Variants in SYNJ2 observed in about 807,000 individuals in gnomAD.
SYNJ2 encodes the protein polyphosphatidylinositol phosphatase SYNJ2.
In SYNJ2, 116 loss-of-function variants were observed where a neutral mutation model predicts 141.3. The observed-to-expected ratio is 0.82, with a 90% confidence interval of 0.71 to 0.96. The LOEUF is 0.96. SYNJ2 is among the 40% of genes least tolerant of loss of function. SYNJ2 has a pLI of 0.00. For missense variants in SYNJ2, 1,873 were observed against 1,934.8 expected, an observed-to-expected ratio of 0.97 and a Z score of 0.60; for synonymous variants, 745 against 777.7, an observed-to-expected ratio of 0.96 and a Z score of 0.70.
At chr6:158,001,780 C>T (rs186298060) in intron 1 of SYNJ2, 3 of 152,430 alleles carry the variant, frequency 2.0e-5, no homozygotes, top group East Asian at 1.9e-4. Flanking sequence ...CTTGTCCCCC[C>T]TCCCAGTGAC....
chr6:157,985,967 C>A (rs552232321), intron 1 of SYNJ2, among the ~76,000 whole-genome samples: 1 of 152,176 alleles, frequency 6.6e-6, no homozygotes, highest in African/African-American at 2.4e-5. Context: ...GGCCACGTCT[C>A]GAGTTTAGCT....
At chr6:158,016,821 C>T (rs1419079512) in intron 1 of SYNJ2, among the ~76,000 whole-genome samples, 2 of 152,126 alleles carry the variant, frequency 1.3e-5, no homozygotes, top group African/African-American at 4.8e-5. Flanking sequence ...TCCACAGGTG[C>T]CTTGGAGTGA....
intron 9 of SYNJ2, among the ~76,000 whole-genome samples, chr6:158,064,282 G>A (rs1781417006): frequency 1.3e-5 from 2 of 151,352 alleles, no homozygotes; most frequent in South Asian, 4.2e-4. Flanking sequence ...TGGCTGGGGG[G>A]TCGGGGGTAG....
intron 2 of SYNJ2, among the ~76,000 whole-genome samples, chr6:158,020,386 A>G (rs140158215): frequency 6.7e-6 from 1 of 148,556 alleles, no homozygotes; most frequent in African/African-American, 2.5e-5. Context: ...GACTCCAACT[A>G]TATGATTGAC....
rs1307411155 is a variant in SYNJ2, at chr6:158,027,028, C to T, written c.215-1728C>T. On this transcript the variant is annotated intron_variant, in intron 2 of 26. Transcript: ENST00000355585. The surrounding 1 kb of genome is among the most constrained non-coding windows in gnomAD (Gnocchi z 4.6). ...CTGGGGAGATGTGATGGGATCAACC[C>T]CCTGCCCTGCTGGCAGCCCCACCCC... 1 of 985,288 alleles carries T rather than the reference C, an allele frequency of 1.0e-6. No individual in the cohort carries two copies. Among genetic ancestry groups the T allele is most frequent in the Non-Finnish European group, 1.2e-6 (1 of 829,936 alleles). 61.0% of individuals were successfully genotyped at this position (985,288 alleles called of 1,614,324 possible). A position where few individuals can be genotyped will look rare whatever the true frequency, so the allele number is the denominator to read the frequency against.
intron 4 of SYNJ2, among the ~76,000 whole-genome samples, chr6:158,038,351 T>A (rs565121022): frequency 6.6e-6 from 1 of 152,276 alleles, no homozygotes; most frequent in African/African-American, 2.4e-5. Flanking sequence ...CACCACCACC[T>A]GCCGCTCACC....
rs78127681 is a variant in SYNJ2 at position 158,026,613 on chromosome 6, C to G, written c.215-2143C>G. 1.8e-3 allele frequency among the ~76,000 whole-genome samples: 277 copies of G among 152,298 alleles called. 7 individuals carry two copies. In the East Asian group the frequency reaches 0.046, roughly 25 times the overall value. On this transcript the variant is annotated intron_variant, in intron 2 of 26. Coordinates refer to ENST00000355585, the MANE Select transcript of SYNJ2 (RefSeq NM_003898.4). ...CTCCTCTCCCCAGCCTCCCCCAGGC[C>G]GTGGTCCTGCCCAGGAAATGCACCT... is the stretch of plus-strand genomic sequence containing the variant.
intron 1 of SYNJ2, 33 bp from the exon 2 acceptor site, chr6:158,017,171 G>T (rs200799008): frequency 1.2e-6 from 2 of 1,607,800 alleles, no homozygotes; most frequent in African/African-American, 1.3e-5. Flanking sequence ...GGAGACGCTC[G>T]CTGATGCCTT....
rs1303801823 is a variant in SYNJ2 at position 157,982,442 on chromosome 6, T to C, written c.127+354T>C. On this transcript the variant is annotated intron_variant, in intron 1 of 26. Coordinates refer to ENST00000355585, the MANE Select transcript of SYNJ2 (RefSeq NM_003898.4). The surrounding 1 kb of genome is among the most constrained non-coding windows in gnomAD (Gnocchi z 4.0). Reference sequence around the variant, plus strand: ...GACCCTGTGCCTGGCGCCTTTTCTTTTGCACCTGTTGATGAAACCAGTGAT... The same window carrying C: ...GACCCTGTGCCTGGCGCCTTTTCTTCTGCACCTGTTGATGAAACCAGTGAT... Among the ~76,000 whole-genome samples, 1 of 152,164 alleles carries C rather than the reference T, an allele frequency of 6.6e-6. No homozygotes were observed. Among genetic ancestry groups the C allele is most frequent in the Non-Finnish European group, 1.5e-5 (1 of 68,016 alleles).
intron 3 of SYNJ2, among the ~76,000 whole-genome samples, chr6:158,032,860 G>A (rs527442339): frequency 9.2e-5 from 14 of 152,228 alleles, no homozygotes; most frequent in Non-Finnish European, 1.9e-4. Context: ...GCATGGAGAG[G>A]GAATACTTGA....
chr6:158,087,511 C>T (rs1026258855), intron 23 of SYNJ2, among the ~76,000 whole-genome samples: 4 of 152,174 alleles, frequency 2.6e-5, no homozygotes, highest in Non-Finnish European at 5.9e-5. Context: ...ATGCTTTGCC[C>T]GTCCAGCCCT....
intron 2 of SYNJ2, among the ~76,000 whole-genome samples, chr6:158,018,457 G>A (rs1028154229): frequency 4.6e-5 from 7 of 152,212 alleles, no homozygotes; most frequent in African/African-American, 1.7e-4. Flanking sequence ...TGAGCCAAGC[G>A]CACACCTCCC....
intron 17 of SYNJ2, 136 bp downstream of exon 17, chr6:158,076,918 TC>T: frequency 9.0e-7 from 1 of 1,115,644 alleles, no homozygotes; most frequent in Non-Finnish European, 1.2e-6. Flanking sequence ...ACAAAAGTCA[TC>T]CCAGACCTTA....
chr6:158,019,672 AGCCC>A (rs1778656961), intron 2 of SYNJ2, among the ~76,000 whole-genome samples: 2 of 152,232 alleles, frequency 1.3e-5, no homozygotes, highest in Admixed American at 1.3e-4. Flanking sequence ...ATGCGAGACC[AGCCC>A]TGCTCCGAGG....
chr6:158,070,647 T>C lies in SYNJ2; in HGVS notation c.1941-955T>C. 3.2e-6 allele frequency: 1 copy of C among 316,918 alleles called. No homozygotes were observed. Among genetic ancestry groups the C allele is most frequent in the Non-Finnish European group, 4.6e-6 (1 of 218,870 alleles). The allele number at this position is 316,918 out of a possible 1,614,324, so 19.6% of individuals were successfully genotyped here. A position where few individuals can be genotyped will look rare whatever the true frequency, so the allele number is the denominator to read the frequency against. ...CCTTTAGCCCTGAGCTGCTTCCGCC[T>C]ACACCCCTTCCATCAGTCATCCCCC... On this transcript the variant is annotated intron_variant, in intron 14 of 26. Coordinates refer to ENST00000355585, the MANE Select transcript of SYNJ2 (RefSeq NM_003898.4). The surrounding 1 kb of genome is among the most constrained non-coding windows in gnomAD (Gnocchi z 4.0).
At chr6:158,094,420 AC>A (rs1210139469) in intron 26 of SYNJ2, among the ~76,000 whole-genome samples, 3 of 115,998 alleles carry the variant, frequency 2.6e-5, no homozygotes, top group African/African-American at 1.0e-4. Flanking sequence ...AAAAAAAAAC[AC>A]CCATCCAACA....
At chr6:158,001,779 C>G (rs779494472) in intron 1 of SYNJ2, 3 of 152,282 alleles carry the variant, frequency 2.0e-5, no homozygotes, top group Admixed American at 2.0e-4. Flanking sequence ...GCTTGTCCCC[C>G]CTCCCAGTGA....
chr6:158,062,784 G>A (rs1158816919), intron 8 of SYNJ2, among the ~76,000 whole-genome samples: 5 of 152,094 alleles, frequency 3.3e-5, no homozygotes, highest in African/African-American at 4.8e-5. Context: ...CTCTGGCCTC[G>A]TATTTAAACA....
At chr6:158,078,097 C>A in intron 17 of SYNJ2, 67 bp from the exon 18 acceptor site, 1 of 1,044,578 alleles carries the variant, frequency 9.6e-7, no homozygotes, top group South Asian at 1.4e-5. Flanking sequence ...GTGGAAGTGT[C>A]ATGATCGCAT....
Sources: allele counts gnomAD v4.1 joint callset (sites outside exome capture counted in the v4.1 genomes callset), GRCh38; gene constraint gnomAD v4.1.1; non-coding constraint Gnocchi (gnomAD v3.1); transcripts MANE v1.5; gene names NCBI Gene and HGNC (gene_info 2026-07-23, HGNC 2026-07-21).